The following CAB39L variants were observed in gnomAD, a reference collection of about 807,000 sequenced individuals.
The protein encoded by CAB39L is calcium-binding protein 39-like.
Under a neutral mutation model 39.1 loss-of-function variants are expected in CAB39L, and 23 were observed. The ratio of observed to expected loss-of-function variants is 0.59; its 90% confidence interval spans 0.42 to 0.83. The LOEUF (loss-of-function observed/expected upper bound fraction) is 0.83. CAB39L is among the 40% of genes least tolerant of loss of function. The pLI, the probability that CAB39L is intolerant of heterozygous loss-of-function variation, is 0.00. For missense variants in CAB39L, 366 were observed against 391.9 expected (o/e 0.93, Z 0.56); for synonymous variants, 126 against 137.2 (o/e 0.92, Z 0.57).
chr13:49,425,303 T>C (rs950293061), intron 3 of CAB39L, among the ~76,000 whole-genome samples: 1 of 152,126 alleles, frequency 6.6e-6, no homozygotes, highest in African/African-American at 2.4e-5. Flanking sequence ...AAATAAAAAC[T>C]TTTTATGCAA....
chr13:49,380,718 ATTAAT>A (rs1956236745), intron 4 of CAB39L, among the ~76,000 whole-genome samples: 1 of 150,392 alleles, frequency 6.6e-6, no homozygotes, highest in Non-Finnish European at 1.5e-5. Context: ...AGGAGAGCAG[ATTAAT>A]TTAGTTAACA....
intron 3 of CAB39L, among the ~76,000 whole-genome samples, chr13:49,387,128 G>A (rs1001303376): frequency 6.6e-6 from 1 of 152,176 alleles, no homozygotes; most frequent in Admixed American, 6.6e-5. Flanking sequence ...TGTTCTATCT[G>A]TAAAACGAAG....
At chr13:49,390,921 C>G (rs77534019) in intron 3 of CAB39L, among the ~76,000 whole-genome samples, 1 of 151,766 alleles carries the variant, frequency 6.6e-6, no homozygotes, top group Admixed American at 6.6e-5. Flanking sequence ...AAGAAAAAAA[C>G]AGATAACTGA....
chr13:49,311,051 C>A, intron 10 of CAB39L, 58 bp from the exon 11 acceptor site: 2 of 1,510,624 alleles, frequency 1.3e-6, no homozygotes, highest in South Asian at 1.2e-5. Flanking sequence ...ACCCACGCTA[C>A]AGCAGTGCAG....
chr13:49,340,148 C>T (rs976000881), intron 8 of CAB39L, among the ~76,000 whole-genome samples: 1 of 152,166 alleles, frequency 6.6e-6, no homozygotes, highest in African/African-American at 2.4e-5. Context: ...TCAGACTGTT[C>T]AATTCACTGC....
At chr13:49,427,594 T>C (rs1957262950) in intron 3 of CAB39L, among the ~76,000 whole-genome samples, 1 of 151,994 alleles carries the variant, frequency 6.6e-6, no homozygotes, top group African/African-American at 2.4e-5. Flanking sequence ...GAGACTGATA[T>C]GGGAAGACTG....
Position 49,359,812 on chromosome 13 carries a change from C to G in CAB39L, c.297G>C (p.Gln99His). The change falls in exon 6 of 11, where the codon CAG (glutamine) becomes CAC (histidine). Residue 99 changes from glutamine (Q) to histidine (H), a missense_variant. Gln to His is a conservative substitution (Grantham distance 24). Transcript: ENST00000409308. The stretch of plus-strand genomic sequence containing the variant: ...GTCTTCTCAAGATGTTGTTAAATAT[C>G]TGGGTCACATCTTTTTTTCCCTGTT... The part of the protein sequence containing the change: ...IDFEGKKDVT[Q>H]IFNNILRRQI... 6.2e-7 allele frequency: 1 copy of G among 1,610,046 alleles called. No individual in the cohort carries two copies. The highest frequency in any genetic ancestry group is 8.5e-7 in the Non-Finnish European group (1 of 1,176,658).
chr13:49,348,295 AGT>A (rs1315657551), intron 7 of CAB39L, among the ~76,000 whole-genome samples: 1 of 152,154 alleles, frequency 6.6e-6, no homozygotes, highest in Admixed American at 6.5e-5. Context: ...GGCCGGGCGC[AGT>A]GACTCACACC....
Position 49,334,681 on chromosome 13 carries a change from A to G in CAB39L, c.691-2591T>C, listed in dbSNP as rs188091436. Among the ~76,000 whole-genome samples the G allele has an allele frequency of 5.3e-3, 801 of 152,314 alleles. 7 individuals carry two copies. The highest frequency in any genetic ancestry group is 6.0e-3 in the Non-Finnish European group (406 of 68,030). On this transcript the variant is annotated intron_variant, in intron 9 of 10. Coordinates refer to ENST00000409308, the MANE Select transcript of CAB39L (RefSeq NM_001079670.3). Reference sequence around the variant, plus strand: ...AATCCCCTTACAACCTAACTGTGTGATGTGCATGGGTATTGTTGGGGAAAT... The same window carrying G: ...AATCCCCTTACAACCTAACTGTGTGGTGTGCATGGGTATTGTTGGGGAAAT...
chr13:49,401,487 G>A (rs1230606642), intron 3 of CAB39L: 1 of 152,082 alleles, frequency 6.6e-6, no homozygotes, highest in East Asian at 1.9e-4. Context: ...TCTGTTTCTG[G>A]TCAAACCAGC....
intron 10 of CAB39L, among the ~76,000 whole-genome samples, chr13:49,325,961 G>A (rs971574191): frequency 6.6e-6 from 1 of 152,128 alleles, no homozygotes; most frequent in Non-Finnish European, 1.5e-5. Context: ...CTGTCAAGCC[G>A]ACTTTTATAT....
At chr13:49,389,609 C>T (rs1466985866) in intron 3 of CAB39L, among the ~76,000 whole-genome samples, 1 of 152,164 alleles carries the variant, frequency 6.6e-6, no homozygotes, top group Non-Finnish European at 1.5e-5. Flanking sequence ...CACTGCACTC[C>T]AGCCTGGGTG....
chr13:49,426,172 C>A (rs995847551), intron 3 of CAB39L, among the ~76,000 whole-genome samples: 2 of 152,166 alleles, frequency 1.3e-5, no homozygotes, highest in African/African-American at 4.8e-5. Context: ...TAAGGACCAT[C>A]CCCTTAAGTT....
intron 3 of CAB39L, among the ~76,000 whole-genome samples, chr13:49,405,719 GAGGAAGGAAGGAAGGA>G (rs548947401): frequency 1.1e-5 from 1 of 94,988 alleles, no homozygotes; most frequent in East Asian, 2.3e-4. Context: ...GAAAGAGAGA[GAGGAAGGAAGGAAGGA>G]AGGAAGGAAG....
intron 3 of CAB39L, among the ~76,000 whole-genome samples, chr13:49,419,280 A>G (rs1290081593): frequency 6.6e-6 from 1 of 152,246 alleles, no homozygotes; most frequent in Non-Finnish European, 1.5e-5. Flanking sequence ...AATATTTTCA[A>G]AGAACTATTC....
chr13:49,387,182 A>T (rs1487426859), intron 3 of CAB39L, among the ~76,000 whole-genome samples: 1 of 152,178 alleles, frequency 6.6e-6, no homozygotes, highest in African/African-American at 2.4e-5. Context: ...TAGGTTATTC[A>T]CCACTGTCCC....
intron 7 of CAB39L, among the ~76,000 whole-genome samples, chr13:49,346,818 G>C (rs1397818203): frequency 6.6e-6 from 1 of 152,158 alleles, no homozygotes; most frequent in African/African-American, 2.4e-5. Context: ...AGGTGGCAGA[G>C]AAAGACAGAA....
chr13:49,397,239 A>C (rs1399838741), intron 3 of CAB39L, among the ~76,000 whole-genome samples: 1 of 152,198 alleles, frequency 6.6e-6, no homozygotes, highest in Non-Finnish European at 1.5e-5. Context: ...TGAAACAATA[A>C]AGTATAAATA....
At chr13:49,419,506 A>G (rs1957138108) in intron 3 of CAB39L, among the ~76,000 whole-genome samples, 1 of 152,182 alleles carries the variant, frequency 6.6e-6, no homozygotes, top group African/African-American at 2.4e-5. Context: ...TGAGCCCGGG[A>G]GGTCAAGGCT....
Sources: gnomAD v4.1 joint callset for allele counts (sites outside exome capture counted in the v4.1 genomes callset) on GRCh38, gnomAD v4.1.1 for gene constraint, MANE v1.5 for transcripts, NCBI Gene and HGNC (gene_info 2026-07-23, HGNC 2026-07-21) for gene names.